SLC12A7: variants seen among roughly 807,000 people sequenced by gnomAD.
The protein encoded by SLC12A7 is K-Cl cotransporter 4.
A neutral mutation model predicts 120.6 loss-of-function variants in SLC12A7; 100 were observed. The ratio of observed to expected loss-of-function variants is 0.83; its 90% CI spans 0.71 to 0.98. The LOEUF (loss-of-function observed/expected upper bound fraction) is 0.98. SLC12A7 is among the 50% of genes least tolerant of loss of function. The pLI is 0.00. For missense variants in SLC12A7, 1,373 were observed against 1,548.1 expected, an observed-to-expected ratio of 0.89 and a Z score of 1.90; for synonymous variants, 760 against 678.0, an observed-to-expected ratio of 1.12 and a Z score of -1.88.
At chr5:1,118,206 T>C in the SLC12A7 span, among the ~76,000 whole-genome samples, 1 of 152,132 alleles carries the variant, frequency 6.6e-6, no homozygotes, top group East Asian at 1.9e-4. Context: ...CTGATTTGAG[T>C]GACAGTAAAA....
Position 1,053,442 on chromosome 5 carries a change from G to A in SLC12A7, c.3067C>T (p.Leu1023Phe), listed in dbSNP as rs781382631. 6.2e-7 allele frequency: 1 copy of A among 1,613,764 alleles called. No individual in the cohort carries two copies. Among genetic ancestry groups the A allele is most frequent in the Non-Finnish European group, 8.5e-7 (1 of 1,180,024 alleles). ...NVRRMHTAVK[L>F]NGVVLNKSQD... ...GACTTGTTGAGGACGACGCCATTGA[G>A]CTTCACAGCCGTGTGCATCCGCCTG... Residue 1023 changes from leucine to phenylalanine, a missense_variant, in exon 23 of 24, where the codon CTC becomes TTC. Physicochemically the swap from Leu to Phe is conservative, Grantham distance 22. Transcript: ENST00000264930.
chr5:1,139,679 G>A, the SLC12A7 span, among the ~76,000 whole-genome samples: 4 of 152,334 alleles, frequency 2.6e-5, no homozygotes, highest in East Asian at 1.9e-4. Context: ...GAGTGCACAC[G>A]GCGAGCTTGC....
intron 1 of SLC12A7, among the ~76,000 whole-genome samples, chr5:1,111,058 C>T (rs1171880175): frequency 6.6e-6 from 1 of 152,174 alleles, no homozygotes; most frequent in Non-Finnish European, 1.5e-5. Context: ...CGGGCACATG[C>T]GGGCACTGCC....
chr5:1,100,384 G>A lies in SLC12A7; in HGVS notation c.125-6136C>T, dbSNP rs188191615. 8.3e-4 allele frequency among the ~76,000 whole-genome samples: 126 copies of A among 152,354 alleles called. No individual in the cohort carries two copies. In the Middle Eastern group the frequency reaches 0.014, roughly 16 times the overall value. ...CCTGGCCCCTGGGCCACCCGCAGCC[G>A]CCTGTCATCTATCTTTCCACAGCCT... On this transcript the variant is annotated intron_variant, in intron 1 of 23. Transcript: ENST00000264930.
At position 1,086,914 on chromosome 5, in the gene SLC12A7, C is replaced by A; in HGVS notation, c.664G>T (p.Glu222Ter). ...AGAMYILGTI[E>*]IFLTYISPGA... ...AGCAGCACACTTACCAGAAAAATCT[C>A]GATGGTCCCCAAAATATACATGGCC... Residue 222 changes from glutamate to a stop codon, truncating the protein, a stop_gained, in exon 6 of 24, where the codon GAG (glutamate) becomes TAG (stop). Transcript: ENST00000264930. LOFTEE classifies it high-confidence loss of function. The A allele has an allele frequency of 1.9e-6, 3 of 1,612,660 alleles. No homozygotes were observed. Among genetic ancestry groups the A allele is most frequent in the Non-Finnish European group, 2.5e-6 (3 of 1,179,806 alleles).
chr5:1,096,829 G>T (rs1156264144), intron 1 of SLC12A7, among the ~76,000 whole-genome samples: 1 of 70,436 alleles, frequency 1.4e-5, no homozygotes, highest in Non-Finnish European at 3.0e-5. Context: ...AGGGAGGGAA[G>T]GAAGGAGGGA....
intron 1 of SLC12A7, among the ~76,000 whole-genome samples, chr5:1,096,262 G>A (rs1741122802): frequency 6.6e-6 from 1 of 152,180 alleles, no homozygotes; most frequent in Admixed American, 6.5e-5. Flanking sequence ...CGGAGACCTG[G>A]GGCAGGGCAG....
Position 1,051,068 on chromosome 5 carries a change from T to A in SLC12A7, c.*1292A>T, listed in dbSNP as rs973923415. 1.0e-5 allele frequency: 4 copies of A among 397,280 alleles called. No homozygotes were observed. The highest frequency in any genetic ancestry group is 1.8e-5 in the Non-Finnish European group (4 of 225,634). The allele number at this position is 397,280 out of a possible 1,614,324, so 24.6% of individuals were successfully genotyped here. A position where few individuals can be genotyped will look rare whatever the true frequency, so the allele number is the denominator to read the frequency against. On this transcript the variant is annotated 3_prime_UTR_variant, in exon 24 of 24. Coordinates refer to ENST00000264930, the MANE Select transcript of SLC12A7 (RefSeq NM_006598.3). ...TGTTTAAATAAATAAATATGCCACA[T>A]AGAAAGGGAGGCCCAAGTCGGTGCC... is the stretch of plus-strand genomic sequence containing the variant.
At chr5:1,126,774 A>T in the SLC12A7 span, among the ~76,000 whole-genome samples, 35 of 152,342 alleles carry the variant, frequency 2.3e-4, no homozygotes, top group South Asian at 7.0e-3. Context: ...TAATGAAAAT[A>T]CAACCTATCG....
intron 1 of SLC12A7, among the ~76,000 whole-genome samples, chr5:1,106,060 G>C (rs889579777): frequency 6.6e-6 from 1 of 152,212 alleles, no homozygotes; most frequent in Non-Finnish European, 1.5e-5. Context: ...TGATGGAGCC[G>C]GTTGAAATCA....
Position 1,077,907 on chromosome 5 carries a change from C to T in SLC12A7, c.1555G>A (p.Gly519Ser), listed in dbSNP as rs774073407. Reference protein sequence around the residue: ...IGSFFSTCGAGLQSLTGAPRL... With the variant: ...IGSFFSTCGASLQSLTGAPRL... The stretch of plus-strand genomic sequence containing the variant: ...GGTGCCCCCGTGAGGCTCTGCAGGC[C>T]GGCACCGCAGGTGGAGAAGAAGGAG... The change falls in exon 12 of 24, where the codon GGC (glycine) becomes AGC (serine). Residue 519 changes from glycine (G) to serine (S), a missense_variant. Gly to Ser is a moderately conservative substitution (Grantham distance 56). Coordinates refer to ENST00000264930, the MANE Select transcript of SLC12A7 (RefSeq NM_006598.3). 14 of 1,599,454 alleles carry T rather than the reference C, an allele frequency of 8.8e-6. No homozygotes were observed. The highest frequency in any genetic ancestry group is 2.3e-5 in the East Asian group (1 of 44,034).
chr5:1,118,755 A>T, the SLC12A7 span, among the ~76,000 whole-genome samples: 596 of 152,362 alleles, frequency 3.9e-3, 1 homozygote, highest in Non-Finnish European at 6.2e-3. Flanking sequence ...GGGGACCCAG[A>T]CAACAGTAAA....
chr5:1,063,949 G>T lies in SLC12A7; in HGVS notation c.2634C>A (p.Ile878=). The change falls in exon 20 of 24, where the codon ATC becomes ATA. Residue 878 remains isoleucine, a synonymous_variant. Coordinates refer to ENST00000264930, the MANE Select transcript of SLC12A7 (RefSeq NM_006598.3). ...HKVWRKCRMR[I]FTVAQVDDNS... The stretch of plus-strand genomic sequence containing the variant: ...TGTCGTCCACCTGGGCCACGGTGAA[G>T]ATACGCATCCGGCACTTCCTCCACA... 6.2e-7 allele frequency: 1 copy of T among 1,612,672 alleles called. No homozygotes were observed. Among genetic ancestry groups the T allele is most frequent in the East Asian group, 2.2e-5 (1 of 44,864 alleles).
chr5:1,120,675 C>T, the SLC12A7 span, among the ~76,000 whole-genome samples: 3 of 152,246 alleles, frequency 2.0e-5, no homozygotes, highest in Non-Finnish European at 4.4e-5. Flanking sequence ...CCCACATTCC[C>T]ATCAGCAGGG....
chr5:1,088,003 G>A (rs751554067), intron 5 of SLC12A7, among the ~76,000 whole-genome samples: 12 of 152,180 alleles, frequency 7.9e-5, no homozygotes, highest in Non-Finnish European at 1.8e-4. Context: ...TATGGCACAC[G>A]CTGGGCTACA....
the SLC12A7 span, among the ~76,000 whole-genome samples, chr5:1,143,216 C>T: frequency 1.4e-4 from 21 of 152,258 alleles, no homozygotes; most frequent in Non-Finnish European, 2.4e-4. Context: ...CCTCCCGCAG[C>T]GCTGGTGCCA....
chr5:1,056,764 G>C (rs574784377), intron 22 of SLC12A7, among the ~76,000 whole-genome samples: 1 of 152,274 alleles, frequency 6.6e-6, no homozygotes, highest in South Asian at 2.1e-4. Context: ...CTCTGACCCC[G>C]GGTGAGAGGT....
intron 1 of SLC12A7, among the ~76,000 whole-genome samples, chr5:1,104,616 G>A (rs1742326023): frequency 6.6e-6 from 1 of 152,178 alleles, no homozygotes; most frequent in African/African-American, 2.4e-5. Context: ...CACAGGCCTG[G>A]GCGGGGCCCA....
the SLC12A7 span, among the ~76,000 whole-genome samples, chr5:1,119,937 C>T: frequency 3.9e-5 from 6 of 152,262 alleles, no homozygotes; most frequent in East Asian, 1.9e-4. Flanking sequence ...TGGCTGAAGG[C>T]GCACAGGTGT....
Sources: allele counts gnomAD v4.1 joint callset (sites outside exome capture counted in the v4.1 genomes callset), GRCh38; gene constraint gnomAD v4.1.1; transcripts MANE v1.5; gene names NCBI Gene and HGNC (gene_info 2026-07-23, HGNC 2026-07-21).